CFAP70: variants seen among roughly 807,000 people sequenced by gnomAD.
CFAP70 encodes cilia and flagella associated protein 70.
In CFAP70, 81 loss-of-function variants were observed where a neutral mutation model predicts 137.6. The observed-to-expected ratio is 0.59, with a 90% CI of 0.49 to 0.71. CFAP70 has a LOEUF of 0.71. CFAP70 is among the 30% of genes least tolerant of loss of function. CFAP70 has a pLI of 0.00. For missense variants in CFAP70, 976 were observed against 1,226.7 expected, an observed-to-expected ratio of 0.80 and a Z score of 3.05; for synonymous variants, 382 against 423.6, an observed-to-expected ratio of 0.90 and a Z score of 1.20.
At chr10:73,292,144 C>A in intron 16 of CFAP70, 130 bp from the exon 18 acceptor site, 1 of 1,139,810 alleles carries the variant, frequency 8.8e-7, no homozygotes, top group Non-Finnish European at 1.2e-6. Context: ...TTTTGCTTAT[C>A]ACTGAATCTC....
At chr10:73,289,548 T>C (rs1228310748) in intron 19 of CFAP70, among the ~76,000 whole-genome samples, 1 of 151,630 alleles carries the variant, frequency 6.6e-6, no homozygotes, top group Non-Finnish European at 1.5e-5. Flanking sequence ...CCTCCCAGAG[T>C]GCTGGGATTA....
chr10:73,354,287 A>G (rs1382243618), intron 2 of CFAP70, among the ~76,000 whole-genome samples: 2 of 152,204 alleles, frequency 1.3e-5, no homozygotes, highest in East Asian at 3.8e-4. Context: ...AACAAAGTGG[A>G]GCTCATTAAT....
At chr10:73,281,188 G>GT (rs1405693624) in intron 19 of CFAP70, among the ~76,000 whole-genome samples, 1 of 151,758 alleles carries the variant, frequency 6.6e-6, no homozygotes, top group Admixed American at 6.6e-5. Flanking sequence ...ATTTAGATCT[G>GT]TATGTATTTA....
chr10:73,274,594 T>G (rs1373984147), exon 23 of CFAP70: 1 of 1,611,810 alleles, frequency 6.2e-7, no homozygotes, highest in African/African-American at 1.3e-5. Flanking sequence ...ACATTGGGGT[T>G]CTGGGAAAGT....
intron 12 of CFAP70, 31 bp from the exon 14 acceptor site, chr10:73,299,696 C>CA (rs753994402): frequency 1.0e-4 from 157 of 1,542,000 alleles, no homozygotes; most frequent in Admixed American, 1.6e-4. Flanking sequence ...AATAAAAAAA[C>CA]AAAAAAAAAT....
At chr10:73,334,791 G>C (rs1249384341) in intron 7 of CFAP70, among the ~76,000 whole-genome samples, 1 of 151,638 alleles carries the variant, frequency 6.6e-6, no homozygotes, top group Non-Finnish European at 1.5e-5. Context: ...TGTTGGCCAG[G>C]ATGGTCTCAA....
upstream of CFAP70, among the ~76,000 whole-genome samples, chr10:73,360,076 A>G (rs80294267): frequency 0.047 from 7,227 of 152,276 alleles, 521 homozygotes; most frequent in African/African-American, 0.16. Context: ...GGAAAACAAC[A>G]TTGTTAGGAC....
intron 19 of CFAP70, among the ~76,000 whole-genome samples, chr10:73,285,404 A>G (rs1277068705): frequency 6.6e-6 from 1 of 152,234 alleles, no homozygotes; most frequent in African/African-American, 2.4e-5. Flanking sequence ...GAAATATCAA[A>G]AAACCTTTGA....
At chr10:73,360,949 T>A (rs949261364), upstream of CFAP70, among the ~76,000 whole-genome samples, 1 of 151,954 alleles carries the variant, frequency 6.6e-6, no homozygotes, top group African/African-American at 2.4e-5. Context: ...ACATAATTAA[T>A]CTCCATTCAA....
At chr10:73,270,517 T>TCCCCTTCCCACTCCCCTCC (rs2046198633) in intron 24 of CFAP70, among the ~76,000 whole-genome samples, 1 of 14,636 alleles carries the variant, frequency 6.8e-5, no homozygotes, top group Non-Finnish European at 1.1e-4. Flanking sequence ...TCCCCTCCCC[T>TCCCCTTCCCACTCCCCTCC]CCCCTCCCCC....
At chr10:73,282,977 C>T (rs1298280886) in intron 19 of CFAP70, among the ~76,000 whole-genome samples, 3 of 150,882 alleles carry the variant, frequency 2.0e-5, no homozygotes, top group South Asian at 2.1e-4. Context: ...GGATTACAGT[C>T]GTGCACCACC....
intron 9 of CFAP70, among the ~76,000 whole-genome samples, chr10:73,316,513 T>TATATATGA (rs2050398918): frequency 7.0e-6 from 1 of 143,410 alleles, no homozygotes; most frequent in Non-Finnish European, 1.5e-5. Context: ...TATATATATA[T>TATATATGA]GACGTACACA....
chr10:73,298,582 G>C (rs183232112), intron 14 of CFAP70, among the ~76,000 whole-genome samples: 1 of 152,110 alleles, frequency 6.6e-6, no homozygotes, highest in Non-Finnish European at 1.5e-5. Context: ...TGAATGAGAG[G>C]CAAGAAGAAT....
chr10:73,329,557 G>C (rs2051854588), intron 8 of CFAP70, among the ~76,000 whole-genome samples: 1 of 152,020 alleles, frequency 6.6e-6, no homozygotes, highest in Non-Finnish European at 1.5e-5. Context: ...GGCAGTAGTT[G>C]AATCAATACA....
intron 26 of CFAP70, 188 bp from the exon 28 acceptor site, chr10:73,254,243 G>C: frequency 2.5e-6 from 1 of 396,946 alleles, no homozygotes; most frequent in Non-Finnish European, 4.5e-6. Context: ...CTGGTTACAT[G>C]GATATGTTTA....
chr10:73,343,964 AT>A (rs200528605), intron 5 of CFAP70, among the ~76,000 whole-genome samples: 262 of 146,318 alleles, frequency 1.8e-3, no homozygotes, highest in Middle Eastern at 7.1e-3. Flanking sequence ...CATATGAAGA[AT>A]TTTTTTTTTT....
At chr10:73,348,366 G>T in intron 4 of CFAP70, 57 bp downstream of exon 4, 1 of 1,558,256 alleles carries the variant, frequency 6.4e-7, no homozygotes, top group Non-Finnish European at 8.9e-7. Flanking sequence ...ATATCTCTCT[G>T]GGGCTAAGTT....
intron 19 of CFAP70, among the ~76,000 whole-genome samples, chr10:73,286,288 C>T (rs536447823): frequency 2.0e-5 from 3 of 151,992 alleles, no homozygotes; most frequent in African/African-American, 7.2e-5. Context: ...ACTAAAAATA[C>T]AAAAAATTAG....
intron 19 of CFAP70, among the ~76,000 whole-genome samples, chr10:73,286,696 A>G (rs1477671979): frequency 6.6e-6 from 1 of 152,182 alleles, no homozygotes; most frequent in Non-Finnish European, 1.5e-5. Context: ...AATTAAAGAC[A>G]CACACACAGA....
Sources: gnomAD v4.1 joint callset for allele counts (sites outside exome capture counted in the v4.1 genomes callset) on GRCh38, gnomAD v4.1.1 for gene constraint, MANE v1.5 for transcripts, NCBI Gene and HGNC (gene_info 2026-07-23, HGNC 2026-07-21) for gene names.